Variants in SMARCA4 observed in about 807,000 individuals in gnomAD.
SMARCA4 encodes the protein SWI/SNF-related matrix-associated actin-dependent regulator of chromatin subfamily A member 4.
In SMARCA4, 31 loss-of-function variants were observed where a neutral mutation model predicts 193.9. The ratio of observed to expected loss-of-function variants is 0.16; its 90% CI spans 0.12 to 0.22. SMARCA4 has a LOEUF of 0.22. Ranked by LOEUF, SMARCA4 falls within the 10% of genes least tolerant of loss-of-function variation. The pLI is 1.00. For synonymous variants in SMARCA4, 942 were observed against 933.1 expected (o/e 1.01, Z -0.17); for missense variants, 1,148 against 2,296.0 (o/e 0.50, Z 10.22).
At chr19:10,963,370 C>CAAAAAAAAAAAA (rs755616481) in intron 1 of SMARCA4, among the ~76,000 whole-genome samples, 1 of 53,140 alleles carries the variant, frequency 1.9e-5, no homozygotes, top group African/African-American at 7.0e-5. Flanking sequence ...AAGACTGTCT[C>CAAAAAAAAAAAA]AAAAAAAAAA....
In SMARCA4 at chr19:11,034,796, C is replaced by A; in HGVS notation, c.3952-118C>A. The A allele has an allele frequency of 1.3e-6, 1 of 742,286 alleles. No homozygotes were observed. The highest frequency in any genetic ancestry group is 1.5e-5 in the South Asian group (1 of 67,464). The allele number at this position is 742,286 out of a possible 1,614,324, so 46.0% of individuals were successfully genotyped here. A position where few individuals can be genotyped will look rare whatever the true frequency, so the allele number is the denominator to read the frequency against. ...ATCGAGAGCTACTGTTTAACTCTCGCAGCAGCGTGGAGCCCCACGGGCAGA... is the reference window on the plus strand; with the variant it reads ...ATCGAGAGCTACTGTTTAACTCTCGAAGCAGCGTGGAGCCCCACGGGCAGA... On this transcript the variant is annotated intron_variant, in intron 28 of 34. Coordinates refer to ENST00000344626, the MANE Select transcript of SMARCA4 (RefSeq NM_003072.5). This position sits in a 1 kb window ranked among gnomAD's most constrained non-coding sequence, Gnocchi z 7.0.
intron 16 of SMARCA4, among the ~76,000 whole-genome samples, chr19:11,017,936 T>C (rs1167871638): frequency 1.3e-5 from 2 of 151,912 alleles, no homozygotes; most frequent in Admixed American, 1.3e-4. Flanking sequence ...TCTAGGAGAG[T>C]GGGCAGGGCA....
In SMARCA4 at chr19:11,060,196, G is replaced by A. The variant is rs374677046; in HGVS notation, c.4911+9G>A. On this transcript the variant is annotated intron_variant, in intron 34 of 34. Transcript: ENST00000344626. ...AGGAGGAACAAGAGGAGGTGAGGCC[G>A]GGCCCCCGAGCAGGCAGAGCTGGCA... 1.9e-5 allele frequency: 30 copies of A among 1,550,446 alleles called. No individual in the cohort carries two copies. The highest frequency in any genetic ancestry group is 3.6e-4 in the Middle Eastern group (2 of 5,542).
chr19:10,995,346 C>T (rs1371801310), intron 9 of SMARCA4: 5 of 494,902 alleles, frequency 1.0e-5, no homozygotes, highest in South Asian at 7.7e-5. Flanking sequence ...TTATTTGTGA[C>T]TGAGTCGCTG....
At position 11,027,918 on chromosome 19, in the gene SMARCA4, C is replaced by G. The variant is rs755069412; in HGVS notation, c.3350C>G (p.Ala1117Gly). The G allele has an allele frequency of 5.0e-6, 8 of 1,614,168 alleles. No homozygotes were observed. Among genetic ancestry groups the G allele is most frequent in the Non-Finnish European group, 6.8e-6 (8 of 1,180,018 alleles). The change falls in exon 24 of 35, where the codon GCG becomes GGG. Residue 1117 changes from alanine (A) to glycine (G), a missense_variant. Physicochemically the swap from Ala to Gly is moderately conservative, Grantham distance 60. This residue lies in a region of SMARCA4 where 74 missense variants were observed against 392.3 expected (regional missense o/e 0.19). Transcript: ENST00000344626. Reference protein sequence around the residue: ...SLMTIMEDYFAYRGFKYLRLD... With the variant: ...SLMTIMEDYFGYRGFKYLRLD... ...ATGACCATCATGGAAGATTACTTTG[C>G]GTATCGCGGCTTTAAATACCTCAGG... is the stretch of plus-strand genomic sequence containing the variant.
At position 10,986,523 on chromosome 19, in the gene SMARCA4, CGGCCCT is replaced by C. The variant is rs372601826; in HGVS notation, c.708_713del (p.Gly243_Pro244del). The C allele has an allele frequency of 1.1e-5, 17 of 1,543,524 alleles. No homozygotes were observed. The highest frequency in any genetic ancestry group is 6.0e-5 in the South Asian group (5 of 84,012). On this transcript the variant is annotated inframe_deletion, in exon 4 of 35. Coordinates refer to ENST00000344626, the MANE Select transcript of SMARCA4 (RefSeq NM_003072.5). The surrounding 1 kb of genome is among the most constrained non-coding windows in gnomAD (Gnocchi z 6.7). ...CACCCTCGGTGTCCGCAACAGGACC[CGGCCCT>C]GGCCCTGGCCCTGGCCCCGGCCCGG... is the stretch of plus-strand genomic sequence containing the variant.
chr19:10,990,039 G>C (rs2086418184), intron 7 of SMARCA4, among the ~76,000 whole-genome samples: 1 of 152,030 alleles, frequency 6.6e-6, no homozygotes, highest in African/African-American at 2.4e-5. Flanking sequence ...TTAGACCCTG[G>C]AGTGCAGTGG....
chr19:11,022,659 TG>T (rs1353516657), intron 19 of SMARCA4, among the ~76,000 whole-genome samples: 6 of 152,300 alleles, frequency 3.9e-5, no homozygotes, highest in African/African-American at 1.4e-4. Context: ...CCAGCACGGC[TG>T]GGCCCACCCC....
rs759429379 is a variant in SMARCA4 at position 10,986,367 on chromosome 19, C to T, written c.534C>T (p.His178=). Residue 178 remains histidine (H), a synonymous_variant, in exon 4 of 35, where the codon CAC becomes CAT. Coordinates refer to ENST00000344626, the MANE Select transcript of SMARCA4 (RefSeq NM_003072.5). The surrounding 1 kb of genome is among the most constrained non-coding windows in gnomAD (Gnocchi z 6.7). ...CCCCATTTAACCAGAACCAGCTGCA[C>T]CAGCTCAGAGCTCAGATCATGGCCT... is the stretch of plus-strand genomic sequence containing the variant. ...GPTPFNQNQL[H]QLRAQIMAYK... is the part of the protein sequence containing the mutation. 1 of 1,609,830 alleles carries T rather than the reference C, an allele frequency of 6.2e-7. No individual in the cohort carries two copies. The highest frequency in any genetic ancestry group is 8.5e-7 in the Non-Finnish European group (1 of 1,178,406).
At chr19:10,996,926 T>C (rs2087114369) in intron 11 of SMARCA4, among the ~76,000 whole-genome samples, 1 of 152,152 alleles carries the variant, frequency 6.6e-6, no homozygotes, top group African/African-American at 2.4e-5. Flanking sequence ...TGGATTGCAG[T>C]GGCGGATGGC....
rs1265827963 is a variant in SMARCA4, at chr19:10,987,211, G to T, written c.859+208G>T. Among the ~76,000 whole-genome samples, 2 of 152,170 alleles carry T rather than the reference G, an allele frequency of 1.3e-5. No individual in the cohort carries two copies. Among genetic ancestry groups the T allele is most frequent in the African/African-American group, 4.8e-5 (2 of 41,430 alleles). On this transcript the variant is annotated intron_variant, in intron 5 of 34. Transcript: ENST00000344626. This position sits in a 1 kb window ranked among gnomAD's most constrained non-coding sequence, Gnocchi z 5.3. The stretch of plus-strand genomic sequence containing the variant: ...TTCATCCCTCCTCTGACAGCTTGTG[G>T]CCTTCACCCAGTCCCTGAGCCCTGT...
At chr19:11,028,191 G>A (rs747506845) in intron 24 of SMARCA4, among the ~76,000 whole-genome samples, 6 of 152,248 alleles carry the variant, frequency 3.9e-5, no homozygotes, top group Non-Finnish European at 5.9e-5. Context: ...AATGCTGGGC[G>A]CACTGGGGAA....
intron 13 of SMARCA4, among the ~76,000 whole-genome samples, chr19:11,007,497 G>C (rs1008951087): frequency 6.0e-5 from 9 of 150,534 alleles, no homozygotes; most frequent in Non-Finnish European, 1.2e-4. Context: ...CCAGCTACTT[G>C]AGAGGCTGAG....
In SMARCA4 at chr19:11,021,227, C is replaced by T. The variant is rs553436180; in HGVS notation, c.2617-498C>T. The T allele has an allele frequency of 4.8e-5, 12 of 250,910 alleles. No individual in the cohort carries two copies. The East Asian group carries it at 1.2e-3, about 25-fold the overall frequency. The allele number at this position is 250,910 out of a possible 1,614,324, so 15.5% of individuals were successfully genotyped here. On this transcript the variant is annotated intron_variant, in intron 18 of 34. Coordinates refer to ENST00000344626, the MANE Select transcript of SMARCA4 (RefSeq NM_003072.5). ...CTCTTTGAGTGCGGCCACTGCGCCC[C>T]CTCCCGACCCGCATGGCCCTGTATG...
chr19:11,055,897 T>C (rs2076521600), intron 30 of SMARCA4, among the ~76,000 whole-genome samples: 1 of 152,176 alleles, frequency 6.6e-6, no homozygotes, highest in Admixed American at 6.5e-5. Context: ...TCTTTAAAAA[T>C]GTAATAGAAT....
Position 11,021,825 on chromosome 19 carries a change from G to A in SMARCA4, c.2717G>A (p.Arg906His), listed in dbSNP as rs2089896271. ...AACACGCACTATGTGGCACCCCGCC[G>A]CCTGCTGCTGACGGGCACACCGCTG... ...VLNTHYVAPR[R>H]LLLTGTPLQN... is the part of the protein sequence containing the mutation. Residue 906 changes from arginine (R) to histidine (H), a missense_variant, in exon 19 of 35, where the codon CGC becomes CAC. Physicochemically the swap from Arg to His is conservative, Grantham distance 29 (BLOSUM62 0). This residue lies in a region of SMARCA4 where 74 missense variants were observed against 392.3 expected (regional missense o/e 0.19). Transcript: ENST00000344626. 1 of 1,613,602 alleles carries A rather than the reference G, an allele frequency of 6.2e-7. No individual in the cohort carries two copies. The highest frequency in any genetic ancestry group is 8.5e-7 in the Non-Finnish European group (1 of 1,180,022).
At position 11,019,566 on chromosome 19, in the gene SMARCA4, G is replaced by A; in HGVS notation, c.2506-25G>A. 1 of 1,547,798 alleles carries A rather than the reference G, an allele frequency of 6.5e-7. No homozygotes were observed. The highest frequency in any genetic ancestry group is 8.9e-7 in the Non-Finnish European group (1 of 1,127,284). On this transcript the variant is annotated intron_variant, in intron 17 of 34. Coordinates refer to ENST00000344626, the MANE Select transcript of SMARCA4 (RefSeq NM_003072.5). The surrounding 1 kb of genome is among the most constrained non-coding windows in gnomAD (Gnocchi z 6.1). The stretch of plus-strand genomic sequence containing the variant: ...CTGGCCACCCGGCTCCAAAAGCCGA[G>A]CTGTGCATCCTGCTTCCCTTGCAGG...
intron 13 of SMARCA4, among the ~76,000 whole-genome samples, chr19:11,007,159 C>T (rs994706323): frequency 5.3e-5 from 8 of 151,858 alleles, no homozygotes; most frequent in South Asian, 2.1e-4. Context: ...GGGCTGGGTG[C>T]GGTGGCTCAC....
chr19:11,010,569 G>T, intron 15 of SMARCA4, 38 bp downstream of exon 15: 1 of 1,605,522 alleles, frequency 6.2e-7, no homozygotes, highest in Non-Finnish European at 8.5e-7. Flanking sequence ...CCACGTAGCT[G>T]CCTCGGTGCA....
Sources: gnomAD v4.1 joint callset for allele counts (sites outside exome capture counted in the v4.1 genomes callset) on GRCh38, gnomAD v4.1.1 for gene constraint, gnomAD v4.1.1 regional missense constraint, Gnocchi (gnomAD v3.1) non-coding constraint, MANE v1.5 for transcripts, NCBI Gene and HGNC (gene_info 2026-07-23, HGNC 2026-07-21) for gene names.